DOCK1: variants seen among roughly 807,000 people sequenced by gnomAD.
DOCK1 encodes the protein dedicator of cytokinesis protein 1.
A neutral mutation model predicts 262.7 loss-of-function variants in DOCK1; 138 were observed. The observed-to-expected ratio is 0.53, with a 90% CI of 0.46 to 0.61. The LOEUF (loss-of-function observed/expected upper bound fraction) is 0.61, where lower values mean the gene tolerates loss of function less well. Among genes scored for constraint, DOCK1 ranks in the 20% least tolerant of loss-of-function variants. DOCK1 has a pLI of 0.00. For synonymous variants in DOCK1, 866 were observed against 867.4 expected (o/e 1.00, Z 0.03); for missense variants, 1,908 against 2,370.7 (o/e 0.80, Z 4.05).
At chr10:127,396,318 C>T (rs1472632502) in intron 38 of DOCK1, among the ~76,000 whole-genome samples, 1 of 152,192 alleles carries the variant, frequency 6.6e-6, no homozygotes, top group African/African-American at 2.4e-5. Context: ...GCCCTGGATC[C>T]CCCTATCCCA....
chr10:126,990,624 A>AT, intron 6 of DOCK1, 21 bp downstream of exon 6: 5 of 1,611,182 alleles, frequency 3.1e-6, no homozygotes, highest in Non-Finnish European at 3.4e-6. Context: ...TTGAAAGATG[A>AT]TTTTACGCTT....
intron 47 of DOCK1, among the ~76,000 whole-genome samples, chr10:127,431,399 C>G (rs1234316409): frequency 6.6e-6 from 1 of 152,192 alleles, no homozygotes; most frequent in African/African-American, 2.4e-5. Context: ...TCCTGCCAAC[C>G]CCCTTCCTTT....
At chr10:127,126,886 G>A (rs2133092853) in intron 26 of DOCK1, among the ~76,000 whole-genome samples, 1 of 152,328 alleles carries the variant, frequency 6.6e-6, no homozygotes, top group East Asian at 1.9e-4. Flanking sequence ...CTCAGAGCCT[G>A]ATTAGTGATC....
chr10:127,414,914 G>A (rs2068070048), intron 43 of DOCK1, among the ~76,000 whole-genome samples: 1 of 152,174 alleles, frequency 6.6e-6, no homozygotes, highest in South Asian at 2.1e-4. Flanking sequence ...CCAGAGTGGT[G>A]GGCAATGTTG....
intron 29 of DOCK1, among the ~76,000 whole-genome samples, chr10:127,272,412 A>G (rs761174127): frequency 4.7e-4 from 71 of 152,300 alleles, no homozygotes; most frequent in Admixed American, 1.1e-3. Flanking sequence ...TCATGGACAC[A>G]CAGAGTCCTA....
At chr10:127,413,773 C>T (rs543848081) in intron 43 of DOCK1, among the ~76,000 whole-genome samples, 1 of 152,286 alleles carries the variant, frequency 6.6e-6, no homozygotes, top group African/African-American at 2.4e-5. Flanking sequence ...AGGGAGCCGT[C>T]CCCATGGGGC....
chr10:127,364,059 G>C (rs896909348), intron 33 of DOCK1, among the ~76,000 whole-genome samples: 1 of 152,228 alleles, frequency 6.6e-6, no homozygotes, highest in South Asian at 2.1e-4. Flanking sequence ...CTTCTCTCAA[G>C]GCCGGAACCT....
chr10:127,153,476 T>A (rs2052709914), intron 27 of DOCK1, among the ~76,000 whole-genome samples: 1 of 152,192 alleles, frequency 6.6e-6, no homozygotes, highest in Admixed American at 6.5e-5. Flanking sequence ...TCCATGGTAT[T>A]CCTAGCACAT....
Position 127,052,663 on chromosome 10 carries a change from T to C in DOCK1, c.2202-18T>C, listed in dbSNP as rs772513907. ...TTCCTTTCCTGAGCTTATTTGTGCG[T>C]GTTTGCATTGTGAATAGGAAGTTGA... On this transcript the variant is annotated intron_variant, in intron 21 of 51. Transcript: ENST00000623213. 18 of 1,614,000 alleles carry C rather than the reference T, an allele frequency of 1.1e-5. No individual in the cohort carries two copies. Among genetic ancestry groups the C allele is most frequent in the Non-Finnish European group, 2.5e-6 (3 of 1,179,892 alleles).
chr10:127,404,034 T>G (rs2067371997), intron 39 of DOCK1, among the ~76,000 whole-genome samples: 4 of 152,238 alleles, frequency 2.6e-5, no homozygotes, highest in Non-Finnish European at 5.9e-5. Context: ...TGGCACTTCT[T>G]TGGTTATTGA....
chr10:127,210,582 G>A (rs2057932261), intron 27 of DOCK1, among the ~76,000 whole-genome samples: 2 of 152,172 alleles, frequency 1.3e-5, no homozygotes, highest in African/African-American at 2.4e-5. Context: ...TTGAACCTTG[G>A]TTCTTCTATC....
intron 37 of DOCK1, 24 bp from the exon 38 acceptor site, chr10:127,384,766 G>A (rs757925693): frequency 1.0e-5 from 16 of 1,535,062 alleles, no homozygotes; most frequent in Admixed American, 6.7e-5. Flanking sequence ...CCTCGGGTCC[G>A]CTCATGCTAT....
chr10:127,055,506 T>A (rs1210371186), intron 22 of DOCK1, among the ~76,000 whole-genome samples: 1 of 152,222 alleles, frequency 6.6e-6, no homozygotes, highest in African/African-American at 2.4e-5. Flanking sequence ...CTGGAAAGGA[T>A]TTTTAGATGG....
intron 23 of DOCK1, among the ~76,000 whole-genome samples, chr10:127,098,249 A>G (rs569702926): frequency 3.9e-5 from 6 of 152,348 alleles, no homozygotes; most frequent in East Asian, 1.9e-4. Context: ...AAAATCTTCA[A>G]TGTCCTCAAT....
chr10:127,270,054 C>A (rs1021599096), intron 29 of DOCK1, among the ~76,000 whole-genome samples: 2 of 152,132 alleles, frequency 1.3e-5, no homozygotes, highest in African/African-American at 4.8e-5. Flanking sequence ...TACACAGGAC[C>A]CAGTGGATAG....
intron 28 of DOCK1, among the ~76,000 whole-genome samples, chr10:127,255,125 C>T (rs2059785919): frequency 6.6e-6 from 1 of 152,198 alleles, no homozygotes. Flanking sequence ...TGCAGCCGGG[C>T]ACAGTGGCTT....
Position 127,381,278 on chromosome 10 carries a change from G to A in DOCK1, c.3717G>A (p.Arg1239=). 2 of 1,607,692 alleles carry A rather than the reference G, an allele frequency of 1.2e-6. No homozygotes were observed. Among genetic ancestry groups the A allele is most frequent in the Non-Finnish European group, 1.7e-6 (2 of 1,176,426 alleles). ...KEIEREEMYI[R]YLYKLCDLHK... ...ACATACCTCTGTTTTATTGTCTCAG[G>A]TATTTGTACAAGCTCTGTGACCTGC... Residue 1239 remains arginine (R), a splice_region_variant and synonymous_variant, in exon 37 of 52, where the codon AGG becomes AGA. Transcript: ENST00000623213.
At chr10:127,115,174 T>C (rs2049106809) in intron 25 of DOCK1, among the ~76,000 whole-genome samples, 1 of 152,198 alleles carries the variant, frequency 6.6e-6, no homozygotes, top group Non-Finnish European at 1.5e-5. Flanking sequence ...GGGCAAACAG[T>C]GTTCCTAAGA....
intron 27 of DOCK1, among the ~76,000 whole-genome samples, chr10:127,199,810 C>A (rs2057373114): frequency 6.6e-6 from 1 of 152,186 alleles, no homozygotes; most frequent in African/African-American, 2.4e-5. Context: ...CTCAGTGTGA[C>A]CTCATTTGTC....
Sources: allele counts gnomAD v4.1 joint callset (sites outside exome capture counted in the v4.1 genomes callset), GRCh38; gene constraint gnomAD v4.1.1; transcripts MANE v1.5; gene names NCBI Gene and HGNC (gene_info 2026-07-23, HGNC 2026-07-21).